Variants in MPP7 observed in about 807,000 individuals in gnomAD.
MPP7 encodes the protein MAGUK p55 subfamily member 7.
Under a neutral mutation model 76.5 loss-of-function variants are expected in MPP7, and 60 were observed. The observed-to-expected ratio is 0.78, with a 90% confidence interval of 0.64 to 0.97. The LOEUF is 0.97. Ranked by LOEUF, MPP7 falls within the 50% of genes least tolerant of loss-of-function variation. The pLI, the probability that MPP7 is intolerant of heterozygous loss-of-function variation, is 0.00. For missense variants in MPP7, 641 were observed against 694.0 expected (o/e 0.92, Z 0.86); for synonymous variants, 237 against 244.5 (o/e 0.97, Z 0.29).
intron 3 of MPP7, among the ~76,000 whole-genome samples, chr10:28,165,051 C>G (rs1373515707): frequency 1.3e-5 from 2 of 152,080 alleles, no homozygotes; most frequent in East Asian, 3.9e-4. Context: ...TGATTCTCTT[C>G]GCCTCACTAA....
At chr10:28,091,376 C>T (rs11006855) in intron 11 of MPP7, among the ~76,000 whole-genome samples, 17,858 of 151,436 alleles carry the variant, frequency 0.12, 1,695 homozygotes, top group East Asian at 0.5. Flanking sequence ...CAACCTCCGC[C>T]TCCTGGGTTG....
At chr10:28,134,962 C>T (rs1428993630) in intron 5 of MPP7, among the ~76,000 whole-genome samples, 3 of 151,722 alleles carry the variant, frequency 2.0e-5, no homozygotes, top group African/African-American at 7.3e-5. Flanking sequence ...AAGATGAGGA[C>T]CAAGATGAGG....
chr10:28,053,845 C>T lies in MPP7; in HGVS notation c.*220G>A. 1 of 533,402 alleles carries T rather than the reference C, an allele frequency of 1.9e-6. No homozygotes were observed. Among genetic ancestry groups the T allele is most frequent in the Admixed American group, 3.7e-5 (1 of 27,056 alleles). 33.0% of individuals were successfully genotyped at this position (533,402 alleles called of 1,614,324 possible). On this transcript the variant is annotated 3_prime_UTR_variant, in exon 17 of 17. Transcript: ENST00000683449. ...GACAACGAGAAGGTTTGAGGTTTTGCTTAGAATACAGTACTGTGCATATTT... is the reference window on the plus strand; with the variant it reads ...GACAACGAGAAGGTTTGAGGTTTTGTTTAGAATACAGTACTGTGCATATTT...
chr10:28,219,887 G>A (rs1838441559), intron 2 of MPP7, among the ~76,000 whole-genome samples: 1 of 151,996 alleles, frequency 6.6e-6, no homozygotes, highest in Non-Finnish European at 1.5e-5. Context: ...ATTCATAACA[G>A]GCTGCAATTT....
At chr10:28,095,042 T>C (rs1853497002) in intron 11 of MPP7, among the ~76,000 whole-genome samples, 1 of 152,086 alleles carries the variant, frequency 6.6e-6, no homozygotes, top group African/African-American at 2.4e-5. Context: ...ATAGATTCTC[T>C]TTCTAGGGAT....
intron 13 of MPP7, 42 bp downstream of exon 13, chr10:28,069,730 C>T (rs7919895): frequency 0.22 from 315,213 of 1,415,760 alleles, 55,516 homozygotes; most frequent in East Asian, 0.94. Flanking sequence ...TTAAAATTAT[C>T]GTAAGTGTAG....
At chr10:28,268,684 G>A (rs59116540) in intron 1 of MPP7, among the ~76,000 whole-genome samples, 1,672 of 151,204 alleles carry the variant, frequency 0.011, 26 homozygotes, top group African/African-American at 0.039. Context: ...GCAGTGAGCC[G>A]AGAATGCACC....
intron 1 of MPP7, among the ~76,000 whole-genome samples, chr10:28,262,258 T>TAC (rs1840008030): frequency 3.9e-5 from 1 of 25,798 alleles, no homozygotes; most frequent in African/African-American, 2.4e-4. Context: ...TATATATATA[T>TAC]GTATATATAT....
intron 8 of MPP7, among the ~76,000 whole-genome samples, chr10:28,123,122 C>A (rs1200531106): frequency 6.6e-6 from 1 of 152,180 alleles, no homozygotes; most frequent in Non-Finnish European, 1.5e-5. Context: ...TAACCATATA[C>A]TAAATTTTCA....
chr10:28,069,052 C>G (rs1455949207), intron 13 of MPP7, among the ~76,000 whole-genome samples: 1 of 152,086 alleles, frequency 6.6e-6, no homozygotes, highest in African/African-American at 2.4e-5. Flanking sequence ...TGAGTGAGTG[C>G]TCAGAACAGT....
At chr10:28,135,683 C>T (rs528720428) in intron 5 of MPP7, among the ~76,000 whole-genome samples, 52 of 152,132 alleles carry the variant, frequency 3.4e-4, no homozygotes, top group Middle Eastern at 3.4e-3. Context: ...AATTCATAGG[C>T]ACTGAGAAGA....
rs542618743 is a variant in MPP7, at chr10:28,138,128, C to A, written c.316-6437G>T. On this transcript the variant is annotated intron_variant, in intron 5 of 16. Coordinates refer to ENST00000683449, the MANE Select transcript of MPP7 (RefSeq NM_001318170.2). ...ATTTTATTGCCTTTTAAAAAATCTA[C>A]CAAATTTTCCATGACTGCCTAAATT... Among the ~76,000 whole-genome samples the A allele has an allele frequency of 1.4e-3, 212 of 152,216 alleles. 1 individual carries two copies. The South Asian group carries it at 0.015, about 11-fold the overall frequency.
intron 2 of MPP7, among the ~76,000 whole-genome samples, chr10:28,218,440 G>C (rs1172151944): frequency 6.6e-6 from 1 of 152,202 alleles, no homozygotes; most frequent in Non-Finnish European, 1.5e-5. Flanking sequence ...TCAGCTCCAT[G>C]TTTAGTCTCA....
intron 13 of MPP7, 78 bp from the exon 14 acceptor site, chr10:28,059,821 T>G (rs1851706288): frequency 1.0e-6 from 1 of 957,984 alleles, no homozygotes; most frequent in East Asian, 2.5e-5. Flanking sequence ...AAATCAAGGG[T>G]ATTTAATTAG....
At chr10:28,281,858 C>T (rs1840682861) in intron 1 of MPP7, among the ~76,000 whole-genome samples, 1 of 152,046 alleles carries the variant, frequency 6.6e-6, no homozygotes, top group South Asian at 2.1e-4. Flanking sequence ...TTACGGTCCA[C>T]ATTCTTAACC....
At chr10:28,240,628 A>G (rs1839236712) in intron 1 of MPP7, among the ~76,000 whole-genome samples, 1 of 152,174 alleles carries the variant, frequency 6.6e-6, no homozygotes, top group Non-Finnish European at 1.5e-5. Flanking sequence ...ATGTGAGGCA[A>G]GATTTCACTA....
chr10:28,145,281 TTAAG>T (rs2133750879), intron 5 of MPP7, among the ~76,000 whole-genome samples: 1 of 152,100 alleles, frequency 6.6e-6, no homozygotes, highest in South Asian at 2.1e-4. Context: ...GTCCAATGAA[TTAAG>T]TATTTAAAAT....
chr10:28,132,575 G>A (rs1293802000), intron 5 of MPP7, among the ~76,000 whole-genome samples: 1 of 152,050 alleles, frequency 6.6e-6, no homozygotes, highest in Non-Finnish European at 1.5e-5. Context: ...GATTACAAAT[G>A]CATGCCCCAA....
upstream of MPP7, among the ~76,000 whole-genome samples, chr10:28,335,006 G>T (rs183542911): frequency 1.3e-5 from 2 of 152,290 alleles, no homozygotes; most frequent in African/African-American, 4.8e-5. Context: ...CTCACGAGGC[G>T]GCAATCAAGA....
Sources: allele counts gnomAD v4.1 joint callset (sites outside exome capture counted in the v4.1 genomes callset), GRCh38; gene constraint gnomAD v4.1.1; transcripts MANE v1.5; gene names NCBI Gene and HGNC (gene_info 2026-07-23, HGNC 2026-07-21).